SYNJ1: variants seen among roughly 807,000 people sequenced by gnomAD.
SYNJ1 encodes the protein synaptojanin 1, also known as polyphosphatidylinositol phosphatase SYNJ1.
Under a neutral mutation model 168.2 loss-of-function variants are expected in SYNJ1, and 78 were observed. The ratio of observed to expected loss-of-function variants is 0.46; its 90% CI spans 0.39 to 0.56. The LOEUF (loss-of-function observed/expected upper bound fraction) is 0.56. Among genes scored for constraint, SYNJ1 ranks in the 20% least tolerant of loss-of-function variants. The pLI, the probability that SYNJ1 is intolerant of heterozygous loss-of-function variation, is 0.00. For synonymous variants in SYNJ1, 539 were observed against 548.6 expected, an observed-to-expected ratio of 0.98 and a Z score of 0.24; for missense variants, 1,303 against 1,597.6, an observed-to-expected ratio of 0.82 and a Z score of 3.14.
At chr21:32,651,991 T>C (rs2040287593) in intron 22 of SYNJ1, among the ~76,000 whole-genome samples, 3 of 152,224 alleles carry the variant, frequency 2.0e-5, no homozygotes, top group Non-Finnish European at 4.4e-5. Context: ...TGTTTGTGTG[T>C]ATATAAAATC....
chr21:32,652,848 G>A (rs1042216710), intron 22 of SYNJ1, among the ~76,000 whole-genome samples: 2 of 152,168 alleles, frequency 1.3e-5, no homozygotes, highest in African/African-American at 4.8e-5. Flanking sequence ...ATTTAGTTAT[G>A]TTTGAAGAAG....
At chr21:32,682,254 A>G (rs1319404213) in intron 10 of SYNJ1, among the ~76,000 whole-genome samples, 7 of 152,216 alleles carry the variant, frequency 4.6e-5, no homozygotes, top group African/African-American at 7.2e-5. Context: ...CTTATCACAT[A>G]TAACAATAAA....
rs1237960038 is a variant in SYNJ1 at position 32,727,976 on chromosome 21, C to T, written c.-53G>A. On this transcript the variant is annotated 5_prime_UTR_variant, in exon 1 of 33. Transcript: ENST00000674351. The stretch of plus-strand genomic sequence containing the variant: ...CCTCCGGCTCCTCCTCCTCCTTCTC[C>T]CGCAGCCGCCGCCACAGCCGCCGGG... The T allele has an allele frequency of 2.6e-6, 4 of 1,535,244 alleles. No homozygotes were observed. The highest frequency in any genetic ancestry group is 1.8e-4 in the Middle Eastern group (1 of 5,450).
At chr21:32,665,895 A>G in intron 17 of SYNJ1, 48 bp downstream of exon 17, 1 of 1,502,646 alleles carries the variant, frequency 6.7e-7, no homozygotes, top group Non-Finnish European at 8.9e-7. Context: ...GGGCAAATTA[A>G]AATATATTTC....
rs935104543 is a variant in SYNJ1, at chr21:32,645,785, A to T, written c.3252T>A (p.Ser1084=). ...RTPGPPSAQS[S]PIDAQPATPL... ...GCGTTGCTGGCTGCGCGTCAATAGGAGAACCTAAAAAGCGCACAGGAGGTA... is the reference window on the plus strand; with the variant it reads ...GCGTTGCTGGCTGCGCGTCAATAGGTGAACCTAAAAAGCGCACAGGAGGTA... The change falls in exon 25 of 33, where the codon TCT becomes TCA. Residue 1084 remains serine, a synonymous_variant. Transcript: ENST00000674351. 6 of 1,477,702 alleles carry T rather than the reference A, an allele frequency of 4.1e-6. No homozygotes were observed. The highest frequency in any genetic ancestry group is 5.4e-6 in the Non-Finnish European group (6 of 1,111,866). 91.5% of individuals were successfully genotyped at this position (1,477,702 alleles called of 1,614,324 possible).
intron 11 of SYNJ1, 137 bp from the exon 12 acceptor site, chr21:32,678,938 A>G: frequency 8.7e-7 from 1 of 1,155,334 alleles, no homozygotes; most frequent in Non-Finnish European, 1.2e-6. Context: ...TATTTTGAAT[A>G]TATAGTCATG....
At chr21:32,700,910 TCA>T (rs1286745089) in intron 3 of SYNJ1, among the ~76,000 whole-genome samples, 1 of 152,212 alleles carries the variant, frequency 6.6e-6, no homozygotes, top group Admixed American at 6.5e-5. Context: ...ACAAAAACTT[TCA>T]CAGAGATTTT....
chr21:32,709,486 A>G (rs1003997136), intron 2 of SYNJ1, among the ~76,000 whole-genome samples: 9 of 150,598 alleles, frequency 6.0e-5, no homozygotes, highest in African/African-American at 2.2e-4. Context: ...TCAAAAAAAA[A>G]AAAAAAAAAA....
chr21:32,673,091 T>A lies in SYNJ1; in HGVS notation c.1726+249A>T, dbSNP rs1271594662. On this transcript the variant is annotated intron_variant, in intron 14 of 32. Coordinates refer to ENST00000674351, the MANE Select transcript of SYNJ1 (RefSeq NM_203446.3). ...TGTGTGAATTCCTATTTCCTGAGAA[T>A]CAATTATGGAAAAAAGATTTTTTGT... 2.6e-5 allele frequency among the ~76,000 whole-genome samples: 4 copies of A among 152,174 alleles called. No individual in the cohort carries two copies. In the South Asian group the frequency reaches 8.3e-4, roughly 32 times the overall value.
At position 32,687,203 on chromosome 21, in the gene SYNJ1, G is replaced by A. The variant is rs145170400; in HGVS notation, c.852-129C>T. The stretch of plus-strand genomic sequence containing the variant: ...AACACAGAATTGGAAAACTGGGTGC[G>A]AATTCATTGTACATGGTCTCAAAGC... On this transcript the variant is annotated intron_variant, in intron 7 of 32. Coordinates refer to ENST00000674351, the MANE Select transcript of SYNJ1 (RefSeq NM_203446.3). 7.2e-4 allele frequency: 369 copies of A among 512,404 alleles called. 3 individuals carry two copies. In the East Asian group the frequency reaches 0.013, roughly 18 times the overall value. 31.7% of individuals were successfully genotyped at this position (512,404 alleles called of 1,614,324 possible). A position where few individuals can be genotyped will look rare whatever the true frequency, so the allele number is the denominator to read the frequency against.
chr21:32,631,341 T>C lies in SYNJ1; in HGVS notation c.*464A>G, dbSNP rs756513267. 6.2e-7 allele frequency: 1 copy of C among 1,614,144 alleles called. No individual in the cohort carries two copies. The highest frequency in any genetic ancestry group is 8.5e-7 in the Non-Finnish European group (1 of 1,180,018). On this transcript the variant is annotated 3_prime_UTR_variant, in exon 33 of 33. Coordinates refer to ENST00000674351, the MANE Select transcript of SYNJ1 (RefSeq NM_203446.3). ...TAGATCAAAACTGTCCTTAAAGCCA[T>C]CAAGTGAAGATGAAGCCCTGCTTTT...
intron 2 of SYNJ1, among the ~76,000 whole-genome samples, chr21:32,719,605 T>C (rs1312426399): frequency 2.0e-5 from 3 of 151,832 alleles, no homozygotes; most frequent in African/African-American, 7.3e-5. Flanking sequence ...TCCCAGCTAC[T>C]TGAGAGGCTG....
intron 2 of SYNJ1, among the ~76,000 whole-genome samples, chr21:32,710,732 C>T (rs990732755): frequency 6.6e-6 from 1 of 152,100 alleles, no homozygotes; most frequent in African/African-American, 2.4e-5. Flanking sequence ...GTAAGTCCTA[C>T]AATCTTTAGA....
intron 10 of SYNJ1, among the ~76,000 whole-genome samples, chr21:32,682,966 T>G (rs895815255): frequency 1.4e-4 from 21 of 152,136 alleles, no homozygotes; most frequent in African/African-American, 5.1e-4. Flanking sequence ...ATCAAAAACA[T>G]ACTCAAAAAA....
At position 32,670,325 on chromosome 21, in the gene SYNJ1, T is replaced by C; in HGVS notation, c.1774A>G (p.Met592Val). The change falls in exon 15 of 33, where the codon ATG becomes GTG. Residue 592 changes from methionine to valine, a missense_variant. By Grantham distance (21) the Met-to-Val change is conservative. Transcript: ENST00000674351. ...ATGTTTCCAGCATTCAATTCTACCATTTCTTCAAAACCAATTGCAAATATA... is the reference window on the plus strand; with the variant it reads ...ATGTTTCCAGCATTCAATTCTACCACTTCTTCAAAACCAATTGCAAATATA... Reference protein sequence around the residue: ...TDIFAIGFEEMVELNAGNIVS... With the variant: ...TDIFAIGFEEVVELNAGNIVS... 6.2e-7 allele frequency: 1 copy of C among 1,613,694 alleles called. No homozygotes were observed. Among genetic ancestry groups the C allele is most frequent in the Non-Finnish European group, 8.5e-7 (1 of 1,179,852 alleles).
intron 29 of SYNJ1, among the ~76,000 whole-genome samples, chr21:32,641,656 T>C (rs2039842128): frequency 6.6e-6 from 1 of 152,228 alleles, no homozygotes; most frequent in African/African-American, 2.4e-5. Context: ...GATATTTATT[T>C]AGTGACCATA....
At chr21:32,673,249 T>C (rs964191745) in intron 14 of SYNJ1, 91 bp downstream of exon 14, 2 of 1,133,048 alleles carry the variant, frequency 1.8e-6, no homozygotes, top group Non-Finnish European at 2.4e-6. Context: ...TTTCATCAAT[T>C]AATGCATCCT....
In SYNJ1 at chr21:32,719,451, C is replaced by T. The variant is rs374262168; in HGVS notation, c.124+7321G>A. On this transcript the variant is annotated intron_variant, in intron 2 of 32. Transcript: ENST00000674351. ...TATGCAGGCTGGGAGCAGTGGCTCA[C>T]GCCCGTAATCCCAGCACTTTGGAAG... Among the ~76,000 whole-genome samples, 25 of 152,344 alleles carry T rather than the reference C, an allele frequency of 1.6e-4. No homozygotes were observed. In the East Asian group the frequency reaches 3.7e-3, roughly 22 times the overall value.
chr21:32,672,098 A>AAAAAG (rs1449065110), intron 14 of SYNJ1, among the ~76,000 whole-genome samples: 1 of 148,768 alleles, frequency 6.7e-6, no homozygotes, highest in East Asian at 2.0e-4. Flanking sequence ...AAAGAAAAAG[A>AAAAAG]AAAAGAAAAG....
Sources: allele counts gnomAD v4.1 joint callset (sites outside exome capture counted in the v4.1 genomes callset), GRCh38; gene constraint gnomAD v4.1.1; transcripts MANE v1.5; gene names NCBI Gene and HGNC (gene_info 2026-07-23, HGNC 2026-07-21).